The following TRPM3 variants were observed in gnomAD, a reference collection of about 807,000 sequenced individuals.
TRPM3 encodes the protein long transient receptor potential channel 3.
Under a neutral mutation model 181.2 loss-of-function variants are expected in TRPM3, and 77 were observed. That is an observed-to-expected ratio of 0.42 (90% CI 0.35 to 0.51). The LOEUF (loss-of-function observed/expected upper bound fraction) is 0.51, where lower values mean the gene tolerates loss of function less well. TRPM3 is among the 20% of genes least tolerant of loss of function. The pLI is 0.01. For missense variants in TRPM3, 1,759 were observed against 2,196.7 expected, an observed-to-expected ratio of 0.80 and a Z score of 3.98; for synonymous variants, 745 against 796.4, an observed-to-expected ratio of 0.94 and a Z score of 1.09.
chr9:71,132,613 T>C (rs1196239397), intron 1 of TRPM3, among the ~76,000 whole-genome samples: 3 of 152,176 alleles, frequency 2.0e-5, no homozygotes, highest in African/African-American at 7.2e-5. Flanking sequence ...GATTGTTTTG[T>C]ACATTAGGAA....
At chr9:70,934,547 A>G (rs1197238474) in intron 1 of TRPM3, among the ~76,000 whole-genome samples, 1 of 152,224 alleles carries the variant, frequency 6.6e-6, no homozygotes, top group Non-Finnish European at 1.5e-5. Flanking sequence ...CTGTTTTGCC[A>G]TGAGCAGTTC....
chr9:71,080,203 T>TAAATAAAATA (rs1554820978), intron 1 of TRPM3, among the ~76,000 whole-genome samples: 74 of 150,044 alleles, frequency 4.9e-4, no homozygotes, highest in African/African-American at 1.8e-3. Flanking sequence ...AATAAATAAA[T>TAAATAAAATA]AAATAAAATA....
intron 1 of TRPM3, among the ~76,000 whole-genome samples, chr9:71,373,114 G>A (rs2092569362): frequency 6.6e-6 from 1 of 152,166 alleles, no homozygotes; most frequent in African/African-American, 2.4e-5. Context: ...TCCGGGATGT[G>A]GCTAAAGCAG....
intron 8 of TRPM3, among the ~76,000 whole-genome samples, chr9:70,692,574 G>A (rs10780959): frequency 0.36 from 54,587 of 152,038 alleles, 10,023 homozygotes; most frequent in African/African-American, 0.42. Context: ...GCAAAACACA[G>A]GCATGTGCAT....
At chr9:70,787,673 G>A (rs1028419110) in intron 6 of TRPM3, among the ~76,000 whole-genome samples, 3 of 148,896 alleles carry the variant, frequency 2.0e-5, no homozygotes, top group African/African-American at 7.4e-5. Context: ...TGAATTTTAT[G>A]AAAGCTAGGG....
intron 1 of TRPM3, among the ~76,000 whole-genome samples, chr9:71,436,807 T>C (rs2094048342): frequency 6.6e-6 from 1 of 152,200 alleles, no homozygotes; most frequent in Non-Finnish European, 1.5e-5. Flanking sequence ...CATACTTCCG[T>C]ACTACAGAAC....
intron 1 of TRPM3, among the ~76,000 whole-genome samples, chr9:71,066,976 C>A (rs1469966113): frequency 6.6e-6 from 1 of 152,098 alleles, no homozygotes; most frequent in East Asian, 1.9e-4. Flanking sequence ...GGGAAAAAAA[C>A]TGTTTCCTTC....
intron 1 of TRPM3, among the ~76,000 whole-genome samples, chr9:71,310,792 A>G (rs1461682011): frequency 6.6e-6 from 1 of 152,156 alleles, no homozygotes; most frequent in African/African-American, 2.4e-5. Context: ...TACCCTGAGT[A>G]ACACACTTTA....
intron 1 of TRPM3, among the ~76,000 whole-genome samples, chr9:71,044,756 C>A (rs950638410): frequency 6.6e-6 from 1 of 152,106 alleles, no homozygotes; most frequent in African/African-American, 2.4e-5. Context: ...ACTGCAACCT[C>A]CGCCTCCCGG....
intron 1 of TRPM3, among the ~76,000 whole-genome samples, chr9:71,195,232 T>C (rs2078273718): frequency 6.6e-6 from 1 of 151,938 alleles, no homozygotes; most frequent in South Asian, 2.1e-4. Flanking sequence ...ACCTACAGAA[T>C]GGGAGAACAT....
chr9:70,633,915 G>T (rs191947510), intron 12 of TRPM3, among the ~76,000 whole-genome samples: 311 of 152,242 alleles, frequency 2.0e-3, no homozygotes, highest in African/African-American at 7.2e-3. Context: ...GTAAGGGGCG[G>T]GGGCAGTGCC....
chr9:70,806,925 A>G (rs955195506), intron 6 of TRPM3, among the ~76,000 whole-genome samples: 1 of 152,198 alleles, frequency 6.6e-6, no homozygotes, highest in Non-Finnish European at 1.5e-5. Context: ...GAAGGGTCCT[A>G]TGATAAAGTC....
At chr9:71,163,477 G>A (rs2076376678) in intron 1 of TRPM3, among the ~76,000 whole-genome samples, 2 of 152,144 alleles carry the variant, frequency 1.3e-5, no homozygotes, top group South Asian at 2.1e-4. Context: ...TAACAGTGGT[G>A]TTATTTATTA....
At chr9:71,410,974 T>G (rs1053625247) in intron 1 of TRPM3, among the ~76,000 whole-genome samples, 21 of 152,068 alleles carry the variant, frequency 1.4e-4, no homozygotes, top group African/African-American at 5.1e-4. Context: ...ACGTAATCCA[T>G]CATATAAACA....
At chr9:71,075,103 T>G (rs1232590321) in intron 1 of TRPM3, among the ~76,000 whole-genome samples, 1 of 152,092 alleles carries the variant, frequency 6.6e-6, no homozygotes, top group Non-Finnish European at 1.5e-5. Context: ...TACATTGCAC[T>G]TGTTTTGTTT....
At chr9:71,270,251 G>A (rs2083691408) in intron 1 of TRPM3, among the ~76,000 whole-genome samples, 1 of 152,182 alleles carries the variant, frequency 6.6e-6, no homozygotes. Flanking sequence ...TCAGGAGGCT[G>A]AGGCAGAAGA....
intron 22 of TRPM3, among the ~76,000 whole-genome samples, chr9:70,557,192 G>A (rs1171615433): frequency 1.3e-5 from 2 of 152,176 alleles, no homozygotes; most frequent in African/African-American, 4.8e-5. Context: ...GCTTGGATGG[G>A]GTTTCTGAGG....
intron 15 of TRPM3, among the ~76,000 whole-genome samples, chr9:70,620,606 T>A (rs1162004895): frequency 1.3e-5 from 2 of 152,210 alleles, no homozygotes; most frequent in African/African-American, 2.4e-5. Flanking sequence ...AAAAAAATTA[T>A]TTTTTAATGG....
At chr9:71,423,433 T>C (rs1344804688) in intron 1 of TRPM3, among the ~76,000 whole-genome samples, 2 of 152,148 alleles carry the variant, frequency 1.3e-5, no homozygotes, top group African/African-American at 4.8e-5. Flanking sequence ...TGAAGAAAGC[T>C]GGCATTTTCT....
Sources: allele counts gnomAD v4.1 joint callset (sites outside exome capture counted in the v4.1 genomes callset), GRCh38; gene constraint gnomAD v4.1.1; transcripts MANE v1.5; gene names NCBI Gene and HGNC (gene_info 2026-07-23, HGNC 2026-07-21).